Variants in RTF2 observed in about 807,000 individuals in gnomAD.
The protein encoded by RTF2 is UPF0549 protein C20orf43.
RTF2 carries 18 observed loss-of-function variants against 38.0 expected under a neutral mutation model. That is an observed-to-expected ratio of 0.47 (90% CI 0.33 to 0.70). RTF2 has a LOEUF of 0.70. Among genes scored for constraint, RTF2 ranks in the 30% least tolerant of loss-of-function variants. RTF2 has a pLI of 0.02. For missense variants in RTF2, 311 were observed against 379.6 expected, an observed-to-expected ratio of 0.82 and a Z score of 1.50; for synonymous variants, 126 against 137.1, an observed-to-expected ratio of 0.92 and a Z score of 0.57.
chr20:56,482,317 C>T (rs1175147531), intron 4 of RTF2, among the ~76,000 whole-genome samples: 4 of 152,190 alleles, frequency 2.6e-5, no homozygotes, highest in African/African-American at 4.8e-5. Context: ...TAAATCAACT[C>T]AGGATTACAT....
At chr20:56,484,356 C>A (rs1203000550) in intron 5 of RTF2, among the ~76,000 whole-genome samples, 167 bp downstream of exon 5, 1 of 152,218 alleles carries the variant, frequency 6.6e-6, no homozygotes, top group Non-Finnish European at 1.5e-5. Context: ...GGCCTCTTGT[C>A]ACCTGACCAC....
At chr20:56,512,897 A>G (rs1450969623) in intron 5 of RTF2, among the ~76,000 whole-genome samples, 3 of 152,208 alleles carry the variant, frequency 2.0e-5, no homozygotes, top group Non-Finnish European at 4.4e-5. Context: ...TGAGAGACTC[A>G]GTACCCAGAG....
chr20:56,493,570 C>T (rs1367756778), intron 5 of RTF2, among the ~76,000 whole-genome samples: 1 of 151,036 alleles, frequency 6.6e-6, no homozygotes, highest in African/African-American at 2.4e-5. Flanking sequence ...GTGAGAAAAT[C>T]ACTTGAGCCC....
rs1185523393 is a variant in RTF2 at position 56,518,135 on chromosome 20, C to T, written c.791C>T (p.Ala264Val). Residue 264 changes from alanine (A) to valine (V), a missense_variant, in exon 9 of 9, where the codon GCC (alanine) becomes GTC (valine). Ala to Val is a moderately conservative substitution (Grantham distance 64). Coordinates refer to ENST00000357348, the MANE Select transcript of RTF2 (RefSeq NM_016407.5). Reference protein sequence around the residue: ...SGKAGKPPCGATKRSIADSEE... With the variant: ...SGKAGKPPCGVTKRSIADSEE... Reference sequence around the variant, plus strand: ...AAAGCTGGGAAGCCTCCGTGTGGAGCCACAAAGAGGTCCATCGCTGACAGT... The same window carrying T: ...AAAGCTGGGAAGCCTCCGTGTGGAGTCACAAAGAGGTCCATCGCTGACAGT... 20 of 1,613,952 alleles carry T rather than the reference C, an allele frequency of 1.2e-5. No homozygotes were observed. The highest frequency in any genetic ancestry group is 1.5e-5 in the Non-Finnish European group (18 of 1,179,990).
At chr20:56,503,684 C>T (rs940669855) in intron 5 of RTF2, among the ~76,000 whole-genome samples, 12 of 152,120 alleles carry the variant, frequency 7.9e-5, no homozygotes, top group African/African-American at 2.9e-4. Context: ...TACCTGTGGC[C>T]AGGTGTGGTG....
chr20:56,492,516 CT>C (rs1983223765), intron 5 of RTF2, among the ~76,000 whole-genome samples: 1 of 147,258 alleles, frequency 6.8e-6, no homozygotes, highest in African/African-American at 2.5e-5. Flanking sequence ...GCCCAGAAGT[CT>C]GAGACCAGCC....
At chr20:56,513,814 G>C (rs1984849357) in intron 6 of RTF2, 1 of 214,338 alleles carries the variant, frequency 4.7e-6, no homozygotes, top group Non-Finnish European at 9.8e-6. Flanking sequence ...TTGATTTAAG[G>C]CAGTACATAC....
chr20:56,477,235 T>TG (rs1982301357), intron 4 of RTF2, 111 bp downstream of exon 4: 2 of 1,256,238 alleles, frequency 1.6e-6, no homozygotes, highest in Non-Finnish European at 1.1e-6. Flanking sequence ...CTGGTGTCCT[T>TG]GGGTTTGGTG....
intron 6 of RTF2, chr20:56,515,693 C>CAT (rs1568714008): frequency 2.6e-5 from 4 of 151,322 alleles, no homozygotes; most frequent in Admixed American, 6.6e-5. Context: ...CACACACACA[C>CAT]GGAAAAAATG....
At chr20:56,475,921 A>G (rs948782150) in intron 3 of RTF2, among the ~76,000 whole-genome samples, 1 of 152,260 alleles carries the variant, frequency 6.6e-6, no homozygotes, top group Non-Finnish European at 1.5e-5. Flanking sequence ...CATTACCGTC[A>G]ATTGATAGTC....
rs374689336 is a variant in RTF2 at position 56,516,923 on chromosome 20, A to T, written c.592-12A>T. On this transcript the variant is annotated splice_polypyrimidine_tract_variant and intron_variant, in intron 6 of 8. Transcript: ENST00000357348. ...CTGAGCACAGCCTCCAACATTCTCT[A>T]TCTTTTTGTAGAAAACAAAGAAACC... 1 of 1,613,170 alleles carries T rather than the reference A, an allele frequency of 6.2e-7. No homozygotes were observed.
At chr20:56,492,613 G>A (rs1983231276) in intron 5 of RTF2, among the ~76,000 whole-genome samples, 1 of 151,596 alleles carries the variant, frequency 6.6e-6, no homozygotes, top group Admixed American at 6.6e-5. Flanking sequence ...GTGGTGACTG[G>A]ATTCCTTGGA....
At chr20:56,476,943 G>GT in intron 3 of RTF2, 42 bp from the exon 4 acceptor site, 1 of 1,601,470 alleles carries the variant, frequency 6.2e-7, no homozygotes, top group Non-Finnish European at 8.5e-7. Flanking sequence ...AGGATGATCT[G>GT]TTTATCAAAT....
chr20:56,473,573 T>C (rs1474650791), intron 2 of RTF2, among the ~76,000 whole-genome samples, 178 bp downstream of exon 2: 1 of 152,194 alleles, frequency 6.6e-6, no homozygotes, highest in Non-Finnish European at 1.5e-5. Context: ...TTGGTTTATT[T>C]AATCCATGGT....
chr20:56,509,310 G>T (rs886174263), intron 5 of RTF2, among the ~76,000 whole-genome samples: 3 of 152,092 alleles, frequency 2.0e-5, no homozygotes, highest in Non-Finnish European at 4.4e-5. Context: ...CTCCCATTAG[G>T]ATGGTTATAA....
intron 1 of RTF2, among the ~76,000 whole-genome samples, chr20:56,471,131 A>G (rs1223115416): frequency 1.3e-5 from 2 of 152,204 alleles, no homozygotes; most frequent in African/African-American, 2.4e-5. Flanking sequence ...ATCTGAGGCC[A>G]TATCCAAATA....
chr20:56,503,991 C>T (rs143351891), intron 5 of RTF2: 1 of 152,660 alleles, frequency 6.6e-6, no homozygotes, highest in Admixed American at 6.5e-5. Flanking sequence ...CACACACGCA[C>T]ATGCACATAT....
intron 8 of RTF2, among the ~76,000 whole-genome samples, chr20:56,517,703 T>G (rs1035817891): frequency 1.3e-5 from 2 of 152,102 alleles, no homozygotes; most frequent in African/African-American, 4.8e-5. Context: ...AAATACAGAT[T>G]CATTGTTAAG....
At chr20:56,497,752 C>G in intron 5 of RTF2, 1 of 427,448 alleles carries the variant, frequency 2.3e-6, no homozygotes, top group Non-Finnish European at 3.9e-6. Flanking sequence ...ATATACACAC[C>G]CATGAAACTG....
Sources: allele counts gnomAD v4.1 joint callset (sites outside exome capture counted in the v4.1 genomes callset), GRCh38; gene constraint gnomAD v4.1.1; transcripts MANE v1.5; gene names NCBI Gene and HGNC (gene_info 2026-07-23, HGNC 2026-07-21).